Variants in FILIP1L observed in about 807,000 individuals in gnomAD.
FILIP1L encodes filamin A-interacting protein 1-like.
FILIP1L carries 55 observed loss-of-function variants against 96.6 expected under a neutral mutation model. That is an observed-to-expected ratio of 0.57 (90% CI 0.46 to 0.71). The LOEUF (loss-of-function observed/expected upper bound fraction) is 0.71, where lower values mean the gene tolerates loss of function less well. Among genes scored for constraint, FILIP1L ranks in the 30% least tolerant of loss-of-function variants. The pLI is 0.00. For missense variants in FILIP1L, 1,304 were observed against 1,321.2 expected, an observed-to-expected ratio of 0.99 and a Z score of 0.20; for synonymous variants, 467 against 473.9, an observed-to-expected ratio of 0.99 and a Z score of 0.19.
chr3:100,065,929 G>C (rs1269446311), intron 1 of FILIP1L, among the ~76,000 whole-genome samples: 1 of 152,216 alleles, frequency 6.6e-6, no homozygotes, highest in Non-Finnish European at 1.5e-5. Context: ...GGACTTTTCA[G>C]ATATGTAAAG....
At chr3:99,942,193 C>A (rs1707871296) in intron 1 of FILIP1L, among the ~76,000 whole-genome samples, 1 of 150,224 alleles carries the variant, frequency 6.7e-6, no homozygotes, top group Non-Finnish European at 1.5e-5. Flanking sequence ...GAGACCAAGA[C>A]TCCATCTCAA....
intron 5 of FILIP1L, among the ~76,000 whole-genome samples, chr3:99,843,624 AT>A (rs1943230220): frequency 6.6e-6 from 1 of 152,200 alleles, no homozygotes; most frequent in Non-Finnish European, 1.5e-5. Context: ...AACCTACTGA[AT>A]ATCATGGCTT....
intron 1 of FILIP1L, among the ~76,000 whole-genome samples, chr3:99,977,817 G>T (rs751137360): frequency 1.5e-4 from 23 of 152,010 alleles, no homozygotes; most frequent in East Asian, 7.7e-4. Context: ...CTAAACCTAG[G>T]CAGTCATTTA....
intron 1 of FILIP1L, among the ~76,000 whole-genome samples, chr3:100,038,119 C>G (rs1021247489): frequency 2.5e-4 from 38 of 152,062 alleles, no homozygotes; most frequent in African/African-American, 8.4e-4. Context: ...CCATGTCCAG[C>G]TAATTTTTGT....
chr3:99,879,052 T>G (rs1253714780), intron 4 of FILIP1L, among the ~76,000 whole-genome samples: 1 of 152,224 alleles, frequency 6.6e-6, no homozygotes, highest in Non-Finnish European at 1.5e-5. Flanking sequence ...ATTACTTTTG[T>G]GACTTTCTTT....
At chr3:100,045,471 CTG>C (rs1230526785) in intron 1 of FILIP1L, among the ~76,000 whole-genome samples, 4 of 152,034 alleles carry the variant, frequency 2.6e-5, no homozygotes, top group Admixed American at 6.5e-5. Context: ...CATTGTGCTG[CTG>C]TGTTAGAATT....
At chr3:100,086,561 A>G (rs1382328504) in intron 1 of FILIP1L, among the ~76,000 whole-genome samples, 2 of 152,178 alleles carry the variant, frequency 1.3e-5, no homozygotes, top group African/African-American at 2.4e-5. Flanking sequence ...TTTTTAAGAA[A>G]AATTAAACTG....
chr3:99,985,087 C>CT (rs1271103298), intron 1 of FILIP1L, among the ~76,000 whole-genome samples: 1 of 152,080 alleles, frequency 6.6e-6, no homozygotes, highest in Non-Finnish European at 1.5e-5. Context: ...TCTGCTTATC[C>CT]TTTTTTAATT....
chr3:99,981,625 G>T (rs1428573985), intron 1 of FILIP1L, among the ~76,000 whole-genome samples: 1 of 152,122 alleles, frequency 6.6e-6, no homozygotes, highest in African/African-American at 2.4e-5. Flanking sequence ...TCCCCGTTTT[G>T]CAAGTGGAAA....
At chr3:99,852,698 C>T (rs954670176) in intron 4 of FILIP1L, among the ~76,000 whole-genome samples, 1 of 152,108 alleles carries the variant, frequency 6.6e-6, no homozygotes, top group African/African-American at 2.4e-5. Context: ...CCTGCCTCGG[C>T]CTCCCAAAGT....
intron 1 of FILIP1L, among the ~76,000 whole-genome samples, chr3:99,998,872 G>A (rs949869826): frequency 6.6e-6 from 1 of 152,050 alleles, no homozygotes; most frequent in African/African-American, 2.4e-5. Context: ...CCCGGCCATG[G>A]TTCTTAAACT....
At position 100,008,793 on chromosome 3, in the gene FILIP1L, G is replaced by T. The variant is rs148024111; in HGVS notation, c.-10-77763C>A. Among the ~76,000 whole-genome samples, 92 of 152,198 alleles carry T rather than the reference G, an allele frequency of 6.0e-4. No individual in the cohort carries two copies. The Middle Eastern group carries it at 0.017, about 28-fold the overall frequency. On this transcript the variant is annotated intron_variant, in intron 1 of 5. Transcript: ENST00000477258. ...TCTTGCTCTGGCCCTTGTATTTTGC[G>T]TGCAGAAATAGCATAATGTCATCAA...
chr3:100,054,631 T>C (rs2065432948), intron 1 of FILIP1L, among the ~76,000 whole-genome samples: 1 of 152,010 alleles, frequency 6.6e-6, no homozygotes, highest in Non-Finnish European at 1.5e-5. Context: ...TGAATAATCT[T>C]GCAGATGTGG....
At chr3:100,089,192 G>A (rs2066062630) in intron 1 of FILIP1L, among the ~76,000 whole-genome samples, 1 of 152,162 alleles carries the variant, frequency 6.6e-6, no homozygotes, top group Non-Finnish European at 1.5e-5. Flanking sequence ...CCAACGTCTA[G>A]CTCTTGTTTT....
chr3:100,058,489 A>G (rs1420157049), intron 1 of FILIP1L, among the ~76,000 whole-genome samples: 2 of 152,048 alleles, frequency 1.3e-5, no homozygotes, highest in Non-Finnish European at 2.9e-5. Context: ...CCCATTGATG[A>G]CCTCCTCTCT....
At chr3:100,050,206 A>G (rs934490331) in intron 1 of FILIP1L, among the ~76,000 whole-genome samples, 1 of 152,178 alleles carries the variant, frequency 6.6e-6, no homozygotes, top group Non-Finnish European at 1.5e-5. Context: ...TCAATAAATA[A>G]AAAGAAGAAT....
At chr3:100,029,196 A>G (rs919791814) in intron 1 of FILIP1L, among the ~76,000 whole-genome samples, 1 of 151,984 alleles carries the variant, frequency 6.6e-6, no homozygotes, top group Admixed American at 6.6e-5. Context: ...AAAATTTTTC[A>G]GATTTATTTG....
chr3:100,006,209 C>G (rs557573450), intron 1 of FILIP1L, among the ~76,000 whole-genome samples: 3 of 152,106 alleles, frequency 2.0e-5, no homozygotes, highest in Admixed American at 6.6e-5. Flanking sequence ...ATTAAGATAA[C>G]CTCAGAAACT....
intron 4 of FILIP1L, among the ~76,000 whole-genome samples, chr3:99,882,663 C>T (rs1041465114): frequency 1.3e-5 from 2 of 152,224 alleles, no homozygotes; most frequent in Non-Finnish European, 2.9e-5. Context: ...AAATTGGTGA[C>T]CCAGTCACTG....
Sources: gnomAD v4.1 joint callset for allele counts (sites outside exome capture counted in the v4.1 genomes callset) on GRCh38, gnomAD v4.1.1 for gene constraint, MANE v1.5 for transcripts, NCBI Gene and HGNC (gene_info 2026-07-23, HGNC 2026-07-21) for gene names.